The following NTRK1 variants were observed in gnomAD, a reference collection of about 807,000 sequenced individuals.
NTRK1 encodes the protein high affinity nerve growth factor receptor.
NTRK1 carries 62 observed loss-of-function variants against 86.8 expected under a neutral mutation model. That is an observed-to-expected ratio of 0.71 (90% confidence interval 0.58 to 0.88). The LOEUF (loss-of-function observed/expected upper bound fraction) is 0.88. Ranked by LOEUF, NTRK1 falls within the 40% of genes least tolerant of loss-of-function variation. The pLI, the probability that NTRK1 is intolerant of heterozygous loss-of-function variation, is 0.00. For missense variants in NTRK1, 967 were observed against 1,078.4 expected, an observed-to-expected ratio of 0.90 and a Z score of 1.45; for synonymous variants, 469 against 456.6, an observed-to-expected ratio of 1.03 and a Z score of -0.35.
chr1:156,846,764 A>G, intron 2 of NTRK1: 1 of 1,607,274 alleles, frequency 6.2e-7, no homozygotes, highest in Non-Finnish European at 8.5e-7. Flanking sequence ...TGGGCTGAAC[A>G]CCCATCCCCA....
In NTRK1 at chr1:156,876,154, C is replaced by T. The variant is rs2102917564; in HGVS notation, c.1576C>T (p.Leu526Phe). ...LGEGAFGKVF[L>F]AECHNLLPEQ... is the part of the protein sequence containing the mutation. Reference sequence around the variant, plus strand: ...GGAGGGCGCCTTTGGGAAGGTCTTCCTTGCTGAGTGCCACAACCTCCTGCC... The same window carrying T: ...GGAGGGCGCCTTTGGGAAGGTCTTCTTTGCTGAGTGCCACAACCTCCTGCC... Residue 526 changes from leucine to phenylalanine, a missense_variant, in exon 13 of 17, where the codon CTT becomes TTT. This residue lies in a region of NTRK1 where 637 missense variants were observed against 776.5 expected (regional missense o/e 0.82). Coordinates refer to ENST00000524377, the MANE Select transcript of NTRK1 (RefSeq NM_002529.4). 2 of 1,614,142 alleles carry T rather than the reference C, an allele frequency of 1.2e-6. No homozygotes were observed. Among genetic ancestry groups the T allele is most frequent in the Middle Eastern group, 3.3e-4 (2 of 6,058 alleles).
At chr1:156,846,583 A>C in intron 2 of NTRK1, 1 of 1,614,058 alleles carries the variant, frequency 6.2e-7, no homozygotes, top group Non-Finnish European at 8.5e-7. Context: ...TGTCCTCCTC[A>C]GTGGTTAGCG....
At chr1:156,845,597 A>G (rs1474553342) in intron 2 of NTRK1, 1 of 1,164,604 alleles carries the variant, frequency 8.6e-7, no homozygotes, top group African/African-American at 2.4e-5. Context: ...AGACCCTCCC[A>G]GGCCGCGCGC....
rs751995163 is a variant in NTRK1, at chr1:156,864,719, C to T, written c.288-9C>T. On this transcript the variant is annotated splice_polypyrimidine_tract_variant and intron_variant, in intron 2 of 16. Transcript: ENST00000524377. ...ACCTGGGGACTGATCCTCCTGCACC[C>T]CTCCCCAGCACCATCGTGAAGAGTG... The T allele has an allele frequency of 6.2e-7, 1 of 1,613,738 alleles. No homozygotes were observed.
chr1:156,837,028 A>C (rs1654614823), intron 1 of NTRK1, among the ~76,000 whole-genome samples: 1 of 152,110 alleles, frequency 6.6e-6, no homozygotes, highest in Non-Finnish European at 1.5e-5. Flanking sequence ...ATGGCCCATC[A>C]GGCCACTTTT....
chr1:156,850,530 C>CTTTTT (rs1558089282), intron 2 of NTRK1, among the ~76,000 whole-genome samples: 2 of 107,192 alleles, frequency 1.9e-5, no homozygotes, highest in African/African-American at 7.7e-5. Context: ...TAATTTAAAA[C>CTTTTT]ATTCTTTTTT....
chr1:156,845,869 C>T, intron 2 of NTRK1: 5 of 1,597,738 alleles, frequency 3.1e-6, no homozygotes, highest in Non-Finnish European at 4.3e-6. Context: ...CGCCTCTGAT[C>T]CCCCCCACCT....
intron 1 of NTRK1, among the ~76,000 whole-genome samples, chr1:156,839,677 C>T (rs1001897623): frequency 9.9e-5 from 15 of 152,142 alleles, no homozygotes; most frequent in African/African-American, 2.9e-4. Flanking sequence ...TCTCCCTTGC[C>T]CCATGTCTGC....
At chr1:156,879,811 A>C (rs1489092941) in intron 15 of NTRK1, among the ~76,000 whole-genome samples, 188 bp from the exon 16 acceptor site, 1 of 151,866 alleles carries the variant, frequency 6.6e-6, no homozygotes, top group East Asian at 1.9e-4. Context: ...GGGTTTCACC[A>C]TGTTGGCCAG....
intron 2 of NTRK1, among the ~76,000 whole-genome samples, chr1:156,855,718 A>C (rs1160792195): frequency 6.6e-6 from 1 of 152,068 alleles, no homozygotes; most frequent in Non-Finnish European, 1.5e-5. Context: ...TCAGCTACTC[A>C]GGAGGTTGAG....
chr1:156,858,615 C>T, upstream of NTRK1: 1 of 1,614,036 alleles, frequency 6.2e-7, no homozygotes, highest in Non-Finnish European at 8.5e-7. Context: ...AGACTAGGCA[C>T]TGCCATTGTC....
intron 2 of NTRK1, chr1:156,844,434 A>C (rs1327262447): frequency 6.2e-7 from 1 of 1,605,780 alleles, no homozygotes; most frequent in Non-Finnish European, 8.5e-7. Context: ...GTTCGGTGAT[A>C]CAGGTCTGTG....
chr1:156,881,023 GC>G (rs1648226833), intron 16 of NTRK1, among the ~76,000 whole-genome samples: 2 of 152,214 alleles, frequency 1.3e-5, no homozygotes, highest in South Asian at 4.1e-4. Flanking sequence ...TAAAATGAAA[GC>G]CAGCTATTTT....
chr1:156,872,251 A>C (rs906962746), intron 7 of NTRK1, among the ~76,000 whole-genome samples: 2 of 152,232 alleles, frequency 1.3e-5, no homozygotes, highest in Non-Finnish European at 2.9e-5. Context: ...ATTTTAAACA[A>C]TAATTACTCT....
At chr1:156,850,716 A>C (rs976278161) in intron 2 of NTRK1, among the ~76,000 whole-genome samples, 5 of 148,266 alleles carry the variant, frequency 3.4e-5, no homozygotes, top group Non-Finnish European at 7.4e-5. Flanking sequence ...CACCATGCCC[A>C]TCTACTTTTT....
chr1:156,864,153 G>A (rs557366095), intron 1 of NTRK1, among the ~76,000 whole-genome samples: 8 of 152,294 alleles, frequency 5.3e-5, no homozygotes, highest in African/African-American at 1.4e-4. Flanking sequence ...ACACACATGT[G>A]CATGTGTGAC....
rs549054522 is a variant in NTRK1, at chr1:156,873,182, G to C, written c.851-451G>C. ...CCACCTCAGCCCCCTGAGTAGCTGG[G>C]ATTACAGGAGCAAGTCACTGTGCCT... On this transcript the variant is annotated intron_variant, in intron 7 of 16. Coordinates refer to ENST00000524377, the MANE Select transcript of NTRK1 (RefSeq NM_002529.4). Among the ~76,000 whole-genome samples the C allele has an allele frequency of 2.6e-5, 4 of 152,112 alleles. No individual in the cohort carries two copies. In the South Asian group the frequency reaches 8.3e-4, roughly 32 times the overall value.
intron 2 of NTRK1, among the ~76,000 whole-genome samples, chr1:156,848,685 C>T (rs1655093029): frequency 6.6e-6 from 1 of 152,334 alleles, no homozygotes; most frequent in South Asian, 2.1e-4. Context: ...CTCTCCTGGG[C>T]TCTCAGAAGC....
chr1:156,869,769 C>T (rs546866994), intron 6 of NTRK1, among the ~76,000 whole-genome samples: 5 of 152,318 alleles, frequency 3.3e-5, no homozygotes, highest in East Asian at 1.9e-4. Flanking sequence ...GGCGATGGGC[C>T]GATGAGAGTA....
Sources: allele counts gnomAD v4.1 joint callset (sites outside exome capture counted in the v4.1 genomes callset), GRCh38; gene constraint gnomAD v4.1.1; regional missense constraint gnomAD v4.1.1; transcripts MANE v1.5; gene names NCBI Gene and HGNC (gene_info 2026-07-23, HGNC 2026-07-21).